Variants in MACF1 observed in about 807,000 individuals in gnomAD.
MACF1 encodes the protein microtubule actin crosslinking factor 1, also known as microtubule-actin cross-linking factor 1.
In MACF1, 193 loss-of-function variants were observed where a neutral mutation model predicts 854.8. The observed-to-expected ratio is 0.23, with a 90% CI of 0.20 to 0.25. MACF1 has a LOEUF of 0.25. Ranked by LOEUF, MACF1 falls within the 10% of genes least tolerant of loss-of-function variation. MACF1 has a pLI of 1.00. For synonymous variants in MACF1, 3,185 were observed against 3,226.7 expected (o/e 0.99, Z 0.44); for missense variants, 7,722 against 8,929.1 (o/e 0.86, Z 5.45).
Position 39,339,796 on chromosome 1 carries a change from T to G in MACF1, c.10216-706T>G, listed in dbSNP as rs1421438757. ...CCTTGAGAGGGAGGAAGAGTGGCTATTTCACTGAAATTGGAGGTTAAGAGT... is the reference window on the plus strand; with the variant it reads ...CCTTGAGAGGGAGGAAGAGTGGCTAGTTCACTGAAATTGGAGGTTAAGAGT... On this transcript the variant is annotated intron_variant, in intron 38 of 100. Transcript: ENST00000564288. Among the ~76,000 whole-genome samples the G allele has an allele frequency of 5.3e-5, 8 of 152,094 alleles. No homozygotes were observed. The East Asian group carries it at 1.5e-3, about 29-fold the overall frequency.
chr1:39,345,436 AC>A (rs1417122733), intron 40 of MACF1, among the ~76,000 whole-genome samples: 1 of 151,896 alleles, frequency 6.6e-6, no homozygotes, highest in African/African-American at 2.4e-5. Context: ...GTGGTGAGAC[AC>A]CATGTCTACA....
intron 2 of MACF1, among the ~76,000 whole-genome samples, chr1:39,114,765 G>T (rs775776006): frequency 6.6e-6 from 1 of 152,256 alleles, no homozygotes; most frequent in Non-Finnish European, 1.5e-5. Context: ...ACTGTCTATT[G>T]TAGGGAGGGC....
At position 39,282,164 on chromosome 1, in the gene MACF1, T is replaced by C. The variant is rs769788522; in HGVS notation, c.529-44T>C. On this transcript the variant is annotated intron_variant, in intron 6 of 100. Coordinates refer to ENST00000564288, the MANE Select transcript of MACF1 (RefSeq NM_001394062.1). ...TGGAGAAGAGAAGGCTAAAAGACTTTGTCTTATTTATAATGAATTATTCTG... is the reference window on the plus strand; with the variant it reads ...TGGAGAAGAGAAGGCTAAAAGACTTCGTCTTATTTATAATGAATTATTCTG... The C allele has an allele frequency of 1.6e-5, 26 of 1,592,226 alleles. No homozygotes were observed. In the Admixed American group the frequency reaches 4.1e-4, roughly 25 times the overall value.
intron 2 of MACF1, among the ~76,000 whole-genome samples, chr1:39,173,385 A>G (rs1029687113): frequency 1.3e-5 from 2 of 151,934 alleles, no homozygotes; most frequent in African/African-American, 2.4e-5. Context: ...ACTGGAAACA[A>G]TTGCTAGATC....
chr1:39,318,569 A>T lies in MACF1; in HGVS notation c.3899A>T (p.Gln1300Leu), dbSNP rs772271646. 1.2e-6 allele frequency: 2 copies of T among 1,613,982 alleles called. No homozygotes were observed. The highest frequency in any genetic ancestry group is 3.3e-5 in the Admixed American group (2 of 60,014). ...TAQQEMMKPG[Q>L]AEDSRVLSEQ... ...CAGCAGGAAATGATGAAGCCAGGCC[A>T]GGCAGAGGATAGCAGAGTGCTTTCG... The change falls in exon 30 of 101, where the codon CAG becomes CTG. Residue 1300 changes from glutamine to leucine, a missense_variant. Transcript: ENST00000564288.
intron 2 of MACF1, among the ~76,000 whole-genome samples, chr1:39,089,382 C>CT (rs1641750416): frequency 6.6e-6 from 1 of 152,162 alleles, no homozygotes; most frequent in Non-Finnish European, 1.5e-5. Context: ...GGATTCATTC[C>CT]TAGGAGTATC....
rs1440678331 is a variant in MACF1, at chr1:39,304,375, A to C, written c.2789+1297A>C. On this transcript the variant is annotated intron_variant, in intron 23 of 100. Coordinates refer to ENST00000564288, the MANE Select transcript of MACF1 (RefSeq NM_001394062.1). ...CATCTAGAACTACTTTGGTGCCTCC[A>C]TATTGTGGGAGAAGAACTTTATCTC... 9.6e-6 allele frequency: 9 copies of C among 932,944 alleles called. No individual in the cohort carries two copies. The Admixed American group carries it at 1.4e-4, about 14-fold the overall frequency. 57.8% of individuals were successfully genotyped at this position (932,944 alleles called of 1,614,324 possible).
intron 37 of MACF1, 83 bp downstream of exon 37, chr1:39,336,736 A>G: frequency 4.7e-6 from 6 of 1,277,692 alleles, no homozygotes; most frequent in Admixed American, 2.8e-5. Flanking sequence ...CAGAGTTTAC[A>G]TATGTGTAAT....
intron 6 of MACF1, among the ~76,000 whole-genome samples, chr1:39,264,640 G>A (rs889135896): frequency 2.7e-5 from 4 of 150,450 alleles, no homozygotes; most frequent in African/African-American, 9.8e-5. Flanking sequence ...ACTTTTTTGG[G>A]TTACACACCC....
chr1:39,337,075 G>T, intron 37 of MACF1, 107 bp from the exon 38 acceptor site: 1 of 955,842 alleles, frequency 1.0e-6, no homozygotes, highest in South Asian at 1.7e-5. Context: ...CCCACTCTAT[G>T]TGCAGTAAAA....
intron 2 of MACF1, among the ~76,000 whole-genome samples, chr1:39,133,837 T>C (rs1478438474): frequency 6.6e-6 from 1 of 152,122 alleles, no homozygotes; most frequent in African/African-American, 2.4e-5. Context: ...AAATAAATTA[T>C]TAGGTTTCTT....
intron 2 of MACF1, among the ~76,000 whole-genome samples, chr1:39,242,348 T>TAAA (rs1644933790): frequency 7.7e-6 from 1 of 129,384 alleles, no homozygotes; most frequent in African/African-American, 2.7e-5. Flanking sequence ...AGACTCTGCC[T>TAAA]CAAAAAAAAA....
At chr1:39,168,290 T>A (rs973202276) in intron 2 of MACF1, among the ~76,000 whole-genome samples, 4 of 152,244 alleles carry the variant, frequency 2.6e-5, no homozygotes, top group African/African-American at 9.6e-5. Context: ...CCTGCCTGTT[T>A]AAAATATTCT....
At chr1:39,397,931 G>GA (rs1000786918) in intron 58 of MACF1, among the ~76,000 whole-genome samples, 1 of 152,140 alleles carries the variant, frequency 6.6e-6, no homozygotes, top group Admixed American at 6.5e-5. Context: ...AATGATCTCT[G>GA]AAAAAAACTC....
chr1:39,337,677 C>T (rs1368568366), intron 38 of MACF1, among the ~76,000 whole-genome samples: 1 of 150,754 alleles, frequency 6.6e-6, no homozygotes, highest in African/African-American at 2.4e-5. Flanking sequence ...AGCAATTCCC[C>T]TGCCTCAGCC....
chr1:39,134,489 G>T (rs1643113940), intron 2 of MACF1, among the ~76,000 whole-genome samples: 1 of 152,126 alleles, frequency 6.6e-6, no homozygotes, highest in Non-Finnish European at 1.5e-5. Flanking sequence ...TGTTGTATCA[G>T]ATACATTTTC....
chr1:39,261,085 G>T (rs1401417512), intron 6 of MACF1, among the ~76,000 whole-genome samples: 1 of 152,006 alleles, frequency 6.6e-6, no homozygotes, highest in Admixed American at 6.6e-5. Context: ...TTTCAGTTTT[G>T]GGGGGTTGCT....
At chr1:39,380,612 A>G (rs950172777) in intron 55 of MACF1, among the ~76,000 whole-genome samples, 4 of 152,212 alleles carry the variant, frequency 2.6e-5, no homozygotes, top group South Asian at 2.1e-4. Flanking sequence ...ACTGTGATCA[A>G]GAACCAAAGA....
intron 20 of MACF1, 117 bp from the exon 21 acceptor site, chr1:39,297,503 G>C (rs1645949187): frequency 8.4e-7 from 1 of 1,196,694 alleles, no homozygotes; most frequent in South Asian, 1.4e-5. Flanking sequence ...TGTCACTAAT[G>C]CAGTAGGGTG....
Sources: gnomAD v4.1 joint callset for allele counts (sites outside exome capture counted in the v4.1 genomes callset) on GRCh38, gnomAD v4.1.1 for gene constraint, MANE v1.5 for transcripts, NCBI Gene and HGNC (gene_info 2026-07-23, HGNC 2026-07-21) for gene names.